ZDHHC14: variants seen among roughly 807,000 people sequenced by gnomAD.
The protein encoded by ZDHHC14 is zDHHC palmitoyltransferase 14, also known as palmitoyltransferase ZDHHC14.
In ZDHHC14, 16 loss-of-function variants were observed where a neutral mutation model predicts 47.7. That is an observed-to-expected ratio of 0.34 (90% CI 0.23 to 0.51). The LOEUF is 0.51. Ranked by LOEUF, ZDHHC14 falls within the 20% of genes least tolerant of loss-of-function variation. The pLI is 0.97. For synonymous variants in ZDHHC14, 293 were observed against 278.9 expected (o/e 1.05, Z -0.50); for missense variants, 515 against 662.5 (o/e 0.78, Z 2.44).
At chr6:157,488,567 A>G (rs1295919998) in intron 1 of ZDHHC14, among the ~76,000 whole-genome samples, 1 of 152,230 alleles carries the variant, frequency 6.6e-6, no homozygotes, top group African/African-American at 2.4e-5. Context: ...TTTAAATCTC[A>G]GATGGCCACA....
At chr6:157,499,124 C>G (rs1231984665) in intron 1 of ZDHHC14, among the ~76,000 whole-genome samples, 1 of 152,130 alleles carries the variant, frequency 6.6e-6, no homozygotes, top group Non-Finnish European at 1.5e-5. Context: ...TCATAAAACT[C>G]TTGTAGCTAA....
chr6:157,560,518 A>T (rs1159040222), intron 2 of ZDHHC14, among the ~76,000 whole-genome samples: 1 of 152,216 alleles, frequency 6.6e-6, no homozygotes, highest in Non-Finnish European at 1.5e-5. Flanking sequence ...GTACATTGGG[A>T]TCTTAATATA....
At chr6:157,638,747 A>T (rs1777103145) in intron 5 of ZDHHC14, among the ~76,000 whole-genome samples, 1 of 151,928 alleles carries the variant, frequency 6.6e-6, no homozygotes, top group Non-Finnish European at 1.5e-5. Context: ...TCTCACTAGG[A>T]CTCCTTATGC....
In ZDHHC14 at chr6:157,670,664, C is replaced by G. The variant is rs1461146285; in HGVS notation, c.1069-2060C>G. Among the ~76,000 whole-genome samples, 3 of 152,166 alleles carry G rather than the reference C, an allele frequency of 2.0e-5. No homozygotes were observed. In the South Asian group the frequency reaches 6.2e-4, roughly 32 times the overall value. ...CCCTACTCCCCTCCCCTCCCCCGCA[C>G]TTTGGCACCTTTCTTTCCCAAGCCT... On this transcript the variant is annotated intron_variant, in intron 8 of 8. Coordinates refer to ENST00000359775, the MANE Select transcript of ZDHHC14 (RefSeq NM_024630.3).
At chr6:157,561,199 A>T (rs182387372) in intron 2 of ZDHHC14, among the ~76,000 whole-genome samples, 1 of 151,888 alleles carries the variant, frequency 6.6e-6, no homozygotes, top group Non-Finnish European at 1.5e-5. Context: ...ACTCTGCTTC[A>T]TTGAAAACAA....
intron 2 of ZDHHC14, among the ~76,000 whole-genome samples, chr6:157,566,007 T>C (rs1782888291): frequency 6.6e-6 from 1 of 152,168 alleles, no homozygotes; most frequent in Non-Finnish European, 1.5e-5. Flanking sequence ...GCCCCTGGCT[T>C]TCTCTGGGTG....
At chr6:157,599,499 C>T (rs1784262319) in intron 3 of ZDHHC14, among the ~76,000 whole-genome samples, 1 of 152,228 alleles carries the variant, frequency 6.6e-6, no homozygotes, top group African/African-American at 2.4e-5. Context: ...TGGCGACTGC[C>T]CCACACTCAG....
chr6:157,532,384 G>A (rs533591095), intron 1 of ZDHHC14, among the ~76,000 whole-genome samples: 66 of 152,308 alleles, frequency 4.3e-4, no homozygotes, highest in African/African-American at 1.3e-3. Context: ...GAACATTGCC[G>A]GTGTTGAGGA....
chr6:157,575,194 A>G (rs1281895149), intron 2 of ZDHHC14, among the ~76,000 whole-genome samples: 2 of 152,244 alleles, frequency 1.3e-5, no homozygotes, highest in African/African-American at 4.8e-5. Flanking sequence ...TTTGCTCTGA[A>G]GATCAGCACC....
chr6:157,478,305 A>G (rs1319926851), intron 1 of ZDHHC14, among the ~76,000 whole-genome samples: 2 of 152,234 alleles, frequency 1.3e-5, no homozygotes, highest in East Asian at 3.8e-4. Flanking sequence ...GCATAGTACT[A>G]AAATGAGCAG....
At chr6:157,439,645 A>G (rs899158995) in intron 1 of ZDHHC14, among the ~76,000 whole-genome samples, 1 of 152,222 alleles carries the variant, frequency 6.6e-6, no homozygotes, top group Admixed American at 6.5e-5. Context: ...TTGACCCAGC[A>G]ATCTCATTAC....
intron 1 of ZDHHC14, among the ~76,000 whole-genome samples, chr6:157,533,538 C>T (rs1781439048): frequency 6.6e-6 from 1 of 152,150 alleles, no homozygotes; most frequent in Non-Finnish European, 1.5e-5. Flanking sequence ...GGCAAAAGCC[C>T]AGAGGAGAGG....
intron 1 of ZDHHC14, among the ~76,000 whole-genome samples, chr6:157,448,584 G>T (rs1318086418): frequency 6.6e-6 from 1 of 152,130 alleles, no homozygotes; most frequent in Non-Finnish European, 1.5e-5. Flanking sequence ...TGCATATGTA[G>T]TAGACATAGT....
At chr6:157,638,539 C>T (rs893815955) in intron 5 of ZDHHC14, among the ~76,000 whole-genome samples, 2 of 151,806 alleles carry the variant, frequency 1.3e-5, no homozygotes, top group Non-Finnish European at 2.9e-5. Flanking sequence ...CACAGCCAGG[C>T]ATGTTCAAAC....
intron 3 of ZDHHC14, among the ~76,000 whole-genome samples, chr6:157,596,745 G>T (rs1272003099): frequency 6.6e-6 from 1 of 152,110 alleles, no homozygotes; most frequent in Non-Finnish European, 1.5e-5. Context: ...TTCTTTTGAA[G>T]ATTAACTGAG....
intron 1 of ZDHHC14, among the ~76,000 whole-genome samples, chr6:157,422,645 T>A (rs1265869291): frequency 6.6e-6 from 1 of 152,206 alleles, no homozygotes; most frequent in Admixed American, 6.5e-5. Context: ...TTAATGATTT[T>A]TAAAGATGCC....
chr6:157,604,815 A>G (rs925629834), intron 3 of ZDHHC14, among the ~76,000 whole-genome samples: 1 of 152,158 alleles, frequency 6.6e-6, no homozygotes, highest in Admixed American at 6.5e-5. Flanking sequence ...AAATGCTGGG[A>G]TTACAGGTGT....
At chr6:157,417,290 C>G (rs920374533) in intron 1 of ZDHHC14, among the ~76,000 whole-genome samples, 2 of 152,162 alleles carry the variant, frequency 1.3e-5, no homozygotes, top group Non-Finnish European at 2.9e-5. Flanking sequence ...TAGTTAGATG[C>G]TGTCATCCCT....
intron 1 of ZDHHC14, among the ~76,000 whole-genome samples, chr6:157,539,691 C>T (rs893729677): frequency 6.6e-6 from 1 of 152,168 alleles, no homozygotes; most frequent in African/African-American, 2.4e-5. Flanking sequence ...AGCACATAGT[C>T]GCCTTGTAAC....
Sources: gnomAD v4.1 joint callset for allele counts (sites outside exome capture counted in the v4.1 genomes callset) on GRCh38, gnomAD v4.1.1 for gene constraint, MANE v1.5 for transcripts, NCBI Gene and HGNC (gene_info 2026-07-23, HGNC 2026-07-21) for gene names.